Variants in SCAF8 observed in about 807,000 individuals in gnomAD.
SCAF8 encodes SR-related CTD associated factor 8.
In SCAF8, 23 loss-of-function variants were observed where a neutral mutation model predicts 140.5. The observed-to-expected ratio is 0.16, with a 90% CI of 0.12 to 0.23. The LOEUF is 0.23. Among genes scored for constraint, SCAF8 ranks in the 10% least tolerant of loss-of-function variants. The pLI, the probability that SCAF8 is intolerant of heterozygous loss-of-function variation, is 1.00. For missense variants in SCAF8, 1,397 were observed against 1,555.7 expected (o/e 0.90, Z 1.72); for synonymous variants, 575 against 528.9 (o/e 1.09, Z -1.20).
chr6:154,754,384 G>T (rs933536022), intron 1 of SCAF8, among the ~76,000 whole-genome samples: 3 of 152,194 alleles, frequency 2.0e-5, no homozygotes, highest in African/African-American at 7.2e-5. Flanking sequence ...GACGTTGCTA[G>T]CTAGTGAACT....
At chr6:154,807,593 C>T (rs1475505224) in intron 9 of SCAF8, among the ~76,000 whole-genome samples, 1 of 152,148 alleles carries the variant, frequency 6.6e-6, no homozygotes, top group Non-Finnish European at 1.5e-5. Flanking sequence ...CTTGGCCAGG[C>T]TGGTCTTGAA....
At chr6:154,762,585 A>T (rs72993413) in intron 1 of SCAF8, among the ~76,000 whole-genome samples, 2,541 of 152,292 alleles carry the variant, frequency 0.017, 27 homozygotes, top group Non-Finnish European at 0.023. Context: ...TACAGGGTAG[A>T]AGTCTTGGGG....
chr6:154,746,581 A>C (rs996353378), intron 1 of SCAF8, among the ~76,000 whole-genome samples: 1 of 152,194 alleles, frequency 6.6e-6, no homozygotes, highest in Non-Finnish European at 1.5e-5. Flanking sequence ...GTTATCTACA[A>C]TATATTTACT....
At position 154,733,565 on chromosome 6, in the gene SCAF8, T is replaced by TAGAGGGAGGGGGACCG; in HGVS notation, c.-334_-319dup. On this transcript the variant is annotated 5_prime_UTR_variant, in exon 1 of 20. Coordinates refer to ENST00000367178, the MANE Select transcript of SCAF8 (RefSeq NM_014892.5). The stretch of plus-strand genomic sequence containing the variant: ...GAGTGGAGAGTGTAGGGGAAGGGGC[T>TAGAGGGAGGGGGACCG]AGAGGGAGGGGGACCGAAACGGAGC... The TAGAGGGAGGGGGACCG allele has an allele frequency of 7.8e-7, 1 of 1,280,990 alleles. No homozygotes were observed. The highest frequency in any genetic ancestry group is 9.8e-7 in the Non-Finnish European group (1 of 1,016,404). The allele number at this position is 1,280,990 out of a possible 1,614,324, so 79.4% of individuals were successfully genotyped here.
chr6:154,827,313 T>G (rs1461120995), intron 18 of SCAF8, 73 bp downstream of exon 18: 2 of 950,786 alleles, frequency 2.1e-6, no homozygotes, highest in African/African-American at 3.4e-5. Context: ...CTCATTCTTG[T>G]GAATTACCGT....
chr6:154,769,938 G>C (rs1046470100), intron 1 of SCAF8, among the ~76,000 whole-genome samples: 2 of 152,098 alleles, frequency 1.3e-5, no homozygotes, highest in African/African-American at 2.4e-5. Flanking sequence ...GGGCCTGCTG[G>C]GAAATTTTGG....
chr6:154,790,786 A>G (rs1308467312), intron 4 of SCAF8, among the ~76,000 whole-genome samples: 1 of 152,058 alleles, frequency 6.6e-6, no homozygotes, highest in East Asian at 1.9e-4. Context: ...CTGGGATTAC[A>G]GGCGTGAGCC....
chr6:154,824,200 C>G (rs772308038), intron 16 of SCAF8, 34 bp from the exon 17 acceptor site: 7 of 1,608,028 alleles, frequency 4.4e-6, no homozygotes, highest in Middle Eastern at 1.7e-4. Context: ...GGTGAATAAA[C>G]TGATGAGTGA....
intron 3 of SCAF8, among the ~76,000 whole-genome samples, chr6:154,785,867 T>C (rs768799209): frequency 6.6e-6 from 1 of 152,208 alleles, no homozygotes; most frequent in Non-Finnish European, 1.5e-5. Context: ...CTAAAAAGGC[T>C]ATTTCTCTAT....
chr6:154,823,067 T>C (rs1466669341), intron 16 of SCAF8, among the ~76,000 whole-genome samples: 1 of 152,196 alleles, frequency 6.6e-6, no homozygotes, highest in Non-Finnish European at 1.5e-5. Context: ...GGATATCTGA[T>C]AATGAACATT....
Position 154,756,955 on chromosome 6 carries a change from C to T in SCAF8, c.31-17034C>T, listed in dbSNP as rs1166146163. 5.9e-5 allele frequency among the ~76,000 whole-genome samples: 9 copies of T among 152,050 alleles called. 1 individual carries two copies. The highest frequency in any genetic ancestry group is 1.0e-4 in the Non-Finnish European group (7 of 68,026). On this transcript the variant is annotated intron_variant, in intron 1 of 19. Transcript: ENST00000367178. ...AGGTGGATCGCTTGAGCCTGGGAGA[C>T]GGAGGTTGCAGTGAGCTGAGGTTGC...
At chr6:154,794,897 C>A in intron 5 of SCAF8, 112 bp from the exon 6 acceptor site, 5 of 872,590 alleles carry the variant, frequency 5.7e-6, no homozygotes, top group South Asian at 1.9e-5. Flanking sequence ...AAAATAAAAA[C>A]AATATGCGTG....
intron 3 of SCAF8, among the ~76,000 whole-genome samples, chr6:154,786,491 A>G (rs144787874): frequency 2.0e-5 from 3 of 152,370 alleles, no homozygotes; most frequent in Non-Finnish European, 4.4e-5. Flanking sequence ...TTAGTCTTAC[A>G]AAGGCAGACT....
chr6:154,831,523 C>T (rs1021621884), intron 19 of SCAF8, among the ~76,000 whole-genome samples: 2 of 151,852 alleles, frequency 1.3e-5, no homozygotes, highest in Non-Finnish European at 2.9e-5. Context: ...CCAGCTAGCT[C>T]TAGAAGATAA....
At chr6:154,751,221 T>C (rs1778829196) in intron 1 of SCAF8, among the ~76,000 whole-genome samples, 1 of 151,924 alleles carries the variant, frequency 6.6e-6, no homozygotes, top group Non-Finnish European at 1.5e-5. Context: ...ACCTGATATC[T>C]AAAAACCACA....
At chr6:154,829,118 A>G (rs1778653317) in intron 18 of SCAF8, among the ~76,000 whole-genome samples, 1 of 152,192 alleles carries the variant, frequency 6.6e-6, no homozygotes, top group South Asian at 2.1e-4. Flanking sequence ...ACAAACCTGC[A>G]CATGTACCCC....
At position 154,799,505 on chromosome 6, in the gene SCAF8, C is replaced by T. The variant is rs1269218736; in HGVS notation, c.607-2466C>T. Reference sequence around the variant, plus strand: ...TTCCCAACATTTTCTATCACCAGTTCATAGACTTCTCTAACTAATGATAAG... The same window carrying T: ...TTCCCAACATTTTCTATCACCAGTTTATAGACTTCTCTAACTAATGATAAG... On this transcript the variant is annotated intron_variant, in intron 6 of 19. Transcript: ENST00000367178. Among the ~76,000 whole-genome samples, 6 of 151,484 alleles carry T rather than the reference C, an allele frequency of 4.0e-5. No individual in the cohort carries two copies. In the East Asian group the frequency reaches 9.7e-4, roughly 24 times the overall value.
intron 6 of SCAF8, among the ~76,000 whole-genome samples, chr6:154,796,158 A>G (rs1265327117): frequency 6.6e-6 from 1 of 152,188 alleles, no homozygotes; most frequent in Non-Finnish European, 1.5e-5. Context: ...TTTCAGACTC[A>G]TAGAAATACC....
chr6:154,755,424 T>A (rs1378343305), intron 1 of SCAF8, among the ~76,000 whole-genome samples: 1 of 152,032 alleles, frequency 6.6e-6, no homozygotes, highest in Non-Finnish European at 1.5e-5. Flanking sequence ...CGGCTAATTT[T>A]TGTATTTTTA....
Sources: gnomAD v4.1 joint callset for allele counts (sites outside exome capture counted in the v4.1 genomes callset) on GRCh38, gnomAD v4.1.1 for gene constraint, MANE v1.5 for transcripts, NCBI Gene and HGNC (gene_info 2026-07-23, HGNC 2026-07-21) for gene names.